Variants in AP1S3 observed in about 807,000 individuals in gnomAD.
AP1S3 encodes the protein adaptor related protein complex 1 subunit sigma 3.
AP1S3 carries 10 observed loss-of-function variants against 20.9 expected under a neutral mutation model. That is an observed-to-expected ratio of 0.48 (90% CI 0.29 to 0.81). AP1S3 has a LOEUF of 0.81. AP1S3 is among the 30% of genes least tolerant of loss of function. The probability of loss-of-function intolerance (pLI) is 0.08; values close to 1 mark genes in which losing one functional copy is unlikely to be tolerated. For synonymous variants in AP1S3, 41 were observed against 61.5 expected, an observed-to-expected ratio of 0.67 and a Z score of 1.56; for missense variants, 154 against 183.8, an observed-to-expected ratio of 0.84 and a Z score of 0.94.
intron 1 of AP1S3, among the ~76,000 whole-genome samples, chr2:223,795,368 A>C (rs560897621): frequency 6.6e-6 from 1 of 152,364 alleles, no homozygotes; most frequent in South Asian, 2.1e-4. Flanking sequence ...TGCCAGACGG[A>C]AGTTTCCCAG....
chr2:223,805,763 G>T (rs1034287869), intron 1 of AP1S3, among the ~76,000 whole-genome samples: 3 of 152,098 alleles, frequency 2.0e-5, no homozygotes, highest in African/African-American at 7.2e-5. Flanking sequence ...AGTGAGTTTG[G>T]TTATTTTTTC....
chr2:223,799,252 A>ACAC (rs1691415286), intron 1 of AP1S3, among the ~76,000 whole-genome samples: 16 of 107,490 alleles, frequency 1.5e-4, no homozygotes, highest in East Asian at 1.4e-3. Context: ...CACACACACA[A>ACAC]ACACCACATG....
At chr2:223,802,581 AG>A (rs1278387787) in intron 1 of AP1S3, among the ~76,000 whole-genome samples, 1 of 152,146 alleles carries the variant, frequency 6.6e-6, no homozygotes, top group Admixed American at 6.6e-5. Flanking sequence ...CTGTGATTAC[AG>A]GTGTGAGCCA....
chr2:223,807,246 G>C (rs1011967664), intron 1 of AP1S3, among the ~76,000 whole-genome samples: 14 of 152,208 alleles, frequency 9.2e-5, no homozygotes, highest in African/African-American at 3.4e-4. Flanking sequence ...CAGCCTGGGT[G>C]ACAGAGTAAG....
chr2:223,794,016 C>A (rs7604002), intron 1 of AP1S3, among the ~76,000 whole-genome samples: 13,906 of 152,130 alleles, frequency 0.091, 919 homozygotes, highest in East Asian at 0.25. Context: ...TAGTAAGTTA[C>A]TACATATGCT....
intron 1 of AP1S3, among the ~76,000 whole-genome samples, chr2:223,821,635 A>G (rs1691988211): frequency 6.6e-6 from 1 of 152,140 alleles, no homozygotes; most frequent in Non-Finnish European, 1.5e-5. Context: ...AAGATTCGTG[A>G]GCAATGCAGC....
intron 1 of AP1S3, among the ~76,000 whole-genome samples, chr2:223,814,054 T>C (rs1691792717): frequency 6.6e-6 from 1 of 152,244 alleles, no homozygotes; most frequent in African/African-American, 2.4e-5. Flanking sequence ...GCACAAGCCT[T>C]TAAAATGTGC....
At chr2:223,770,353 T>C in intron 3 of AP1S3, 1 of 1,549,358 alleles carries the variant, frequency 6.5e-7, no homozygotes, top group African/African-American at 1.4e-5. Context: ...CAGATACTAA[T>C]GAAAATTCTC....
intron 4 of AP1S3, among the ~76,000 whole-genome samples, chr2:223,762,116 G>A (rs574719113): frequency 1.4e-4 from 21 of 148,774 alleles, no homozygotes; most frequent in African/African-American, 2.2e-4. Flanking sequence ...GGGATTACAG[G>A]AGCCCACCAC....
intron 1 of AP1S3, among the ~76,000 whole-genome samples, chr2:223,815,372 G>A (rs1691820784): frequency 6.6e-6 from 1 of 152,142 alleles, no homozygotes; most frequent in African/African-American, 2.4e-5. Context: ...GATTTTGGAT[G>A]CAATCCAAGG....
chr2:223,788,367 C>T (rs2106100483), intron 1 of AP1S3, among the ~76,000 whole-genome samples: 1 of 151,684 alleles, frequency 6.6e-6, no homozygotes, highest in East Asian at 2.0e-4. Context: ...AATCCCAGCA[C>T]TCTGGGAGAC....
Position 223,777,885 on chromosome 2 carries a change from CA to C in AP1S3, c.4-17del. On this transcript the variant is annotated splice_polypyrimidine_tract_variant and intron_variant, in intron 1 of 4. Coordinates refer to ENST00000396654, the MANE Select transcript of AP1S3 (RefSeq NM_001039569.2). ...TGAAATGTATCTAGAACAAAGGACA[CA>C]AAAAACAGAACCTGATCAACCAAGT... 6.3e-7 allele frequency: 1 copy of C among 1,599,152 alleles called. No individual in the cohort carries two copies. The highest frequency in any genetic ancestry group is 8.5e-7 in the Non-Finnish European group (1 of 1,173,680).
chr2:223,806,486 A>G (rs548666127), intron 1 of AP1S3, among the ~76,000 whole-genome samples: 2 of 151,998 alleles, frequency 1.3e-5, no homozygotes, highest in South Asian at 2.1e-4. Context: ...GGGTTTCACC[A>G]TGTTAGCCAG....
chr2:223,833,926 G>T, intron 1 of AP1S3, among the ~76,000 whole-genome samples: 1 of 120,352 alleles, frequency 8.3e-6, no homozygotes, highest in Non-Finnish European at 1.8e-5. Flanking sequence ...TTATTTATTT[G>T]AGATGGAGTT....
intron 1 of AP1S3, among the ~76,000 whole-genome samples, chr2:223,810,359 C>T (rs1691692613): frequency 6.6e-6 from 1 of 152,146 alleles, no homozygotes; most frequent in Admixed American, 6.5e-5. Flanking sequence ...ATCACCTAGG[C>T]TGGAGTGCAG....
chr2:223,770,233 A>T, intron 3 of AP1S3: 1 of 1,550,852 alleles, frequency 6.4e-7, no homozygotes, highest in Non-Finnish European at 8.7e-7. Flanking sequence ...GAGTTATAGT[A>T]GCAAGCTGAG....
intron 1 of AP1S3, among the ~76,000 whole-genome samples, chr2:223,824,461 A>G (rs922955429): frequency 1.3e-5 from 2 of 152,254 alleles, no homozygotes; most frequent in Admixed American, 1.3e-4. Context: ...CCCCTAAGCC[A>G]TGCGGTTGAG....
intron 1 of AP1S3, among the ~76,000 whole-genome samples, chr2:223,800,271 A>T (rs1323508177): frequency 2.0e-5 from 3 of 151,862 alleles, no homozygotes; most frequent in Non-Finnish European, 4.4e-5. Context: ...GATGGCTCAT[A>T]TCTGTAATCC....
intron 1 of AP1S3, among the ~76,000 whole-genome samples, chr2:223,781,516 G>C (rs1041831647): frequency 9.9e-5 from 15 of 152,108 alleles, no homozygotes; most frequent in African/African-American, 3.1e-4. Context: ...AAGGAGGATT[G>C]CTTGAGCCCA....
Sources: gnomAD v4.1 joint callset for allele counts (sites outside exome capture counted in the v4.1 genomes callset) on GRCh38, gnomAD v4.1.1 for gene constraint, MANE v1.5 for transcripts, NCBI Gene and HGNC (gene_info 2026-07-23, HGNC 2026-07-21) for gene names.